Variants in CCDC32 observed in about 807,000 individuals in gnomAD.
CCDC32 encodes the protein coiled-coil domain containing 32, also known as coiled-coil domain-containing protein 32.
CCDC32 carries 9 observed loss-of-function variants against 20.1 expected under a neutral mutation model. The observed-to-expected ratio is 0.45, with a 90% CI of 0.27 to 0.78. The LOEUF (loss-of-function observed/expected upper bound fraction) is 0.78. Among genes scored for constraint, CCDC32 ranks in the 30% least tolerant of loss-of-function variants. The probability of loss-of-function intolerance (pLI) is 0.16; values close to 1 mark genes in which losing one functional copy is unlikely to be tolerated. For synonymous variants in CCDC32, 63 were observed against 79.0 expected (o/e 0.80, Z 1.07); for missense variants, 204 against 215.5 (o/e 0.95, Z 0.33).
chr15:40,543,781 C>G (rs553292141), intron 3 of CCDC32, among the ~76,000 whole-genome samples: 1 of 152,200 alleles, frequency 6.6e-6, no homozygotes, highest in African/African-American at 2.4e-5. Flanking sequence ...GGCCCCTCAG[C>G]TCTCTTGGCC....
At chr15:40,531,663 G>A (rs1003094792), downstream of CCDC32, 1 of 152,014 alleles carries the variant, frequency 6.6e-6, no homozygotes, top group African/African-American at 2.4e-5. Context: ...CACCAAGGCT[G>A]GAATGCAGAG....
downstream of CCDC32, chr15:40,537,900 A>C (rs1889194790): frequency 6.6e-6 from 1 of 152,388 alleles, no homozygotes; most frequent in Non-Finnish European, 1.5e-5. Flanking sequence ...CAGTGAGCCG[A>C]GATGGTGCCA....
chr15:40,552,771 C>CAAAAAAAAAAAAA (rs10675441), downstream of CCDC32: 10 of 68,818 alleles, frequency 1.5e-4, 4 homozygotes, highest in African/African-American at 1.5e-4. Flanking sequence ...AGTGCGACCT[C>CAAAAAAAAAAAAA]AAAAAAAAAA....
At chr15:40,551,368 T>C (rs1311716862), downstream of CCDC32, among the ~76,000 whole-genome samples, 2 of 151,128 alleles carry the variant, frequency 1.3e-5, no homozygotes, top group African/African-American at 2.4e-5. Flanking sequence ...GGCAAGAGAG[T>C]GAGACTCCAT....
At chr15:40,530,598 A>G (rs910091187), downstream of CCDC32, among the ~76,000 whole-genome samples, 25 of 150,532 alleles carry the variant, frequency 1.7e-4, no homozygotes, top group Admixed American at 3.3e-4. Flanking sequence ...GCCTTCCACC[A>G]TGATTGTAAG....
downstream of CCDC32, among the ~76,000 whole-genome samples, chr15:40,550,161 C>G (rs192725556): frequency 1.3e-5 from 2 of 152,328 alleles, no homozygotes; most frequent in Non-Finnish European, 2.9e-5. Context: ...TGCAGCCCAG[C>G]CTTCTCTGGG....
At chr15:40,525,324 G>C (rs959003760), downstream of CCDC32, among the ~76,000 whole-genome samples, 1 of 151,880 alleles carries the variant, frequency 6.6e-6, no homozygotes, top group Admixed American at 6.6e-5. Flanking sequence ...CACTGCGCCC[G>C]GCCAATTTTT....
chr15:40,527,957 G>A (rs543872935), downstream of CCDC32, among the ~76,000 whole-genome samples: 4 of 152,276 alleles, frequency 2.6e-5, no homozygotes, highest in South Asian at 6.2e-4. Flanking sequence ...CATTCATTCC[G>A]CTACTACTAG....
At chr15:40,564,613 A>AT (rs1890895181) in intron 1 of CCDC32, among the ~76,000 whole-genome samples, 1 of 152,180 alleles carries the variant, frequency 6.6e-6, no homozygotes, top group Non-Finnish European at 1.5e-5. Flanking sequence ...CAAGGTCTGA[A>AT]TAATGCCAGG....
At chr15:40,537,364 T>G (rs1889162478), downstream of CCDC32, 1 of 152,366 alleles carries the variant, frequency 6.6e-6, no homozygotes, top group African/African-American at 2.4e-5. Flanking sequence ...GGCCCTGGGC[T>G]CTCATCCACT....
chr15:40,539,591 G>A (rs968970412), intron 3 of CCDC32, among the ~76,000 whole-genome samples: 5 of 152,172 alleles, frequency 3.3e-5, no homozygotes, highest in South Asian at 2.1e-4. Context: ...ACGGGGGCCC[G>A]TGGCACCACA....
At chr15:40,528,501 G>A (rs1224084203), downstream of CCDC32, among the ~76,000 whole-genome samples, 1 of 152,204 alleles carries the variant, frequency 6.6e-6, no homozygotes, top group Non-Finnish European at 1.5e-5. Context: ...GCCATGGGAT[G>A]CAGACTGTGG....
downstream of CCDC32, chr15:40,536,861 GA>G (rs1889134921): frequency 6.6e-6 from 1 of 152,300 alleles, no homozygotes; most frequent in Admixed American, 6.5e-5. Flanking sequence ...ATGGTGATGA[GA>G]AAAAGTTCCA....
chr15:40,522,676 T>G, the CCDC32 span, among the ~76,000 whole-genome samples: 7 of 152,178 alleles, frequency 4.6e-5, no homozygotes, highest in African/African-American at 7.2e-5. Context: ...TGGTTCTAGT[T>G]TATTCTCAAA....
chr15:40,521,252 A>G, the CCDC32 span, among the ~76,000 whole-genome samples: 2 of 152,128 alleles, frequency 1.3e-5, no homozygotes, highest in African/African-American at 2.4e-5. Context: ...GTCACTCCTC[A>G]TTTCCCCTAT....
At chr15:40,532,521 GCCCAT>G (rs1200392204), downstream of CCDC32, among the ~76,000 whole-genome samples, 1 of 152,044 alleles carries the variant, frequency 6.6e-6, no homozygotes, top group Non-Finnish European at 1.5e-5. Context: ...TTCACCATGA[GCCCAT>G]CATCTTGTCT....
chr15:40,544,061 C>T (rs1030075016), intron 3 of CCDC32, among the ~76,000 whole-genome samples: 1 of 152,156 alleles, frequency 6.6e-6, no homozygotes, highest in African/African-American at 2.4e-5. Context: ...CAGCCAACAG[C>T]AATCCTCTTT....
downstream of CCDC32, among the ~76,000 whole-genome samples, chr15:40,550,995 C>CT (rs1006365865): frequency 4.6e-5 from 7 of 151,506 alleles, no homozygotes; most frequent in African/African-American, 9.7e-5. Context: ...GACCTCATTG[C>CT]TTTTTTTTTC....
chr15:40,559,006 G>A (rs1171890725), intron 2 of CCDC32, among the ~76,000 whole-genome samples: 1 of 152,030 alleles, frequency 6.6e-6, no homozygotes, highest in African/African-American at 2.4e-5. Flanking sequence ...ATTTTGTCAT[G>A]TTGGCCAGGA....
Sources: allele counts gnomAD v4.1 joint callset (sites outside exome capture counted in the v4.1 genomes callset), GRCh38; gene constraint gnomAD v4.1.1; transcripts MANE v1.5; gene names NCBI Gene and HGNC (gene_info 2026-07-23, HGNC 2026-07-21).